The following IFFO2 variants were observed in gnomAD, a reference collection of about 807,000 sequenced individuals.
IFFO2 encodes intermediate filament family orphan 2.
Under a neutral mutation model 53.5 loss-of-function variants are expected in IFFO2, and 19 were observed. The ratio of observed to expected loss-of-function variants is 0.36; its 90% CI spans 0.25 to 0.52. IFFO2 has a LOEUF of 0.52. Ranked by LOEUF, IFFO2 falls within the 20% of genes least tolerant of loss-of-function variation. The pLI, the probability that IFFO2 is intolerant of heterozygous loss-of-function variation, is 0.94. For missense variants in IFFO2, 570 were observed against 727.4 expected (o/e 0.78, Z 2.49); for synonymous variants, 303 against 313.6 (o/e 0.97, Z 0.36).
At chr1:18,939,696 A>C (rs996461649) in intron 1 of IFFO2, among the ~76,000 whole-genome samples, 1 of 152,222 alleles carries the variant, frequency 6.6e-6, no homozygotes, top group Non-Finnish European at 1.5e-5. Flanking sequence ...GAGGGTACGC[A>C]GCAAGGTAAT....
intron 1 of IFFO2, among the ~76,000 whole-genome samples, chr1:18,922,672 G>T (rs931735198): frequency 6.6e-6 from 1 of 152,138 alleles, no homozygotes; most frequent in Non-Finnish European, 1.5e-5. Flanking sequence ...AGGGCAAGGG[G>T]CTGGGATTCC....
In IFFO2 at chr1:18,918,501, G is replaced by C. The variant is rs374833161; in HGVS notation, c.824C>G (p.Pro275Arg). The stretch of plus-strand genomic sequence containing the variant: ...GATCTTTGTGTCCAGGTCTGTCATG[G>C]GCTGCAGGGAGGACAGCAGGGTTTA... ...LVVFKGLMSD[P>R]MTDLDTKIQE... Residue 275 changes from proline (P) to arginine (R), a missense_variant and splice_region_variant, in exon 4 of 9, where the codon CCC becomes CGC. Pro to Arg is a moderately radical substitution (Grantham distance 103). Transcript: ENST00000455833. The surrounding 1 kb of genome is among the most constrained non-coding windows in gnomAD (Gnocchi z 5.2). 9.3e-5 allele frequency: 145 copies of C among 1,552,706 alleles called. No homozygotes were observed. Among genetic ancestry groups the C allele is most frequent in the Non-Finnish European group, 1.2e-4 (137 of 1,147,528 alleles).
chr1:18,909,055 T>C (rs1405686515), intron 8 of IFFO2, among the ~76,000 whole-genome samples: 2 of 151,842 alleles, frequency 1.3e-5, no homozygotes, highest in East Asian at 1.9e-4. Context: ...GTTCTGATTC[T>C]ATCTCGGATG....
intron 8 of IFFO2, among the ~76,000 whole-genome samples, chr1:18,910,080 C>T (rs984864604): frequency 1.3e-5 from 2 of 152,206 alleles, no homozygotes; most frequent in Non-Finnish European, 2.9e-5. Context: ...TTGCACAGAG[C>T]AGGCCTTTGG....
At chr1:18,922,976 G>A (rs1936235346) in intron 1 of IFFO2, among the ~76,000 whole-genome samples, 1 of 152,056 alleles carries the variant, frequency 6.6e-6, no homozygotes, top group Non-Finnish European at 1.5e-5. Flanking sequence ...GGGCATCTGG[G>A]GCTTCTCTGG....
At chr1:18,940,894 C>A (rs537712873) in intron 1 of IFFO2, among the ~76,000 whole-genome samples, 4 of 152,196 alleles carry the variant, frequency 2.6e-5, no homozygotes, top group Non-Finnish European at 5.9e-5. Flanking sequence ...AAGTCCCCCC[C>A]AAAAGCCATG....
In IFFO2 at chr1:18,907,120, A is replaced by C. The variant is rs548941298; in HGVS notation, c.*1441T>G. Reference sequence around the variant, plus strand: ...CACATTTTGCTACCTTGACCACTAGAGGGAGCTCCTGGGACAATAAAAAAT... The same window carrying C: ...CACATTTTGCTACCTTGACCACTAGCGGGAGCTCCTGGGACAATAAAAAAT... On this transcript the variant is annotated 3_prime_UTR_variant, in exon 9 of 9. Transcript: ENST00000455833. 6.6e-6 allele frequency: 1 copy of C among 152,304 alleles called. No individual in the cohort carries two copies. Among genetic ancestry groups the C allele is most frequent in the South Asian group, 2.1e-4 (1 of 4,832 alleles). 9.4% of individuals were successfully genotyped at this position (152,304 alleles called of 1,614,324 possible). A position where few individuals can be genotyped will look rare whatever the true frequency, so the allele number is the denominator to read the frequency against.
At chr1:18,925,861 A>T (rs200878637) in intron 1 of IFFO2, among the ~76,000 whole-genome samples, 296 of 15,410 alleles carry the variant, frequency 0.019, 1 homozygote, top group Non-Finnish European at 0.026. Context: ...GATTGGTTGG[A>T]TGGATGGATG....
At chr1:18,910,319 C>G in intron 8 of IFFO2, 23 bp downstream of exon 8, 3 of 1,586,130 alleles carry the variant, frequency 1.9e-6, no homozygotes, top group Non-Finnish European at 2.6e-6. Flanking sequence ...ATAGCTGAAT[C>G]CCCTGGGAGG....
rs184979295 is a variant in IFFO2, at chr1:18,910,999, T to C, written c.1317+385A>G. Among the ~76,000 whole-genome samples, 625 of 152,346 alleles carry C rather than the reference T, an allele frequency of 4.1e-3. 6 individuals are homozygous for C. The highest frequency in any genetic ancestry group is 0.014 in the African/African-American group (568 of 41,580). On this transcript the variant is annotated intron_variant, in intron 7 of 8. Coordinates refer to ENST00000455833, the MANE Select transcript of IFFO2 (RefSeq NM_001136265.2). ...GGCCTTGGGCAAGTCACTTGGTCCT[T>C]TCCAGCCTCATCTCCTCCTCTGTAA...
In IFFO2 at chr1:18,918,407, A is replaced by G; in HGVS notation, c.918T>C (p.Asp306=). The G allele has an allele frequency of 5.1e-6, 8 of 1,555,500 alleles. No homozygotes were observed. The highest frequency in any genetic ancestry group is 7.0e-6 in the Non-Finnish European group (8 of 1,148,958). ...RRIDITAKLC[D]VAQQRNSEDV... ...CTTCTGAGTTCCGCTGCTGTGCGAC[A>G]TCGCACAGCTTGGCCGTGATATCGA... Residue 306 remains aspartate (D), a synonymous_variant, in exon 4 of 9, where the codon GAT becomes GAC. Transcript: ENST00000455833. This position sits in a 1 kb window ranked among gnomAD's most constrained non-coding sequence, Gnocchi z 5.2.
At position 18,916,398 on chromosome 1, in the gene IFFO2, G is replaced by A. The variant is rs1317508861; in HGVS notation, c.1103+505C>T. On this transcript the variant is annotated intron_variant, in intron 5 of 8. Transcript: ENST00000455833. This position sits in a 1 kb window ranked among gnomAD's most constrained non-coding sequence, Gnocchi z 4.3. ...TCCAGCCCTGTCAACTGTGCCCCAG[G>A]CTCAGCAATGCCTGACCTCCTCGAG... Among the ~76,000 whole-genome samples the A allele has an allele frequency of 1.3e-5, 2 of 152,296 alleles. No individual in the cohort carries two copies. Among genetic ancestry groups the A allele is most frequent in the Middle Eastern group, 3.4e-3 (1 of 294 alleles).
At chr1:18,954,960 G>A (rs1025512840) in intron 1 of IFFO2, among the ~76,000 whole-genome samples, 1 of 152,190 alleles carries the variant, frequency 6.6e-6, no homozygotes, top group African/African-American at 2.4e-5. Flanking sequence ...GATGAAAGGA[G>A]GCATTTTATA....
At chr1:18,921,667 TTAAA>T (rs1196864538) in intron 1 of IFFO2, among the ~76,000 whole-genome samples, 1 of 151,960 alleles carries the variant, frequency 6.6e-6, no homozygotes, top group Non-Finnish European at 1.5e-5. Flanking sequence ...CTCGGAGAGG[TTAAA>T]TAAACATCTA....
chr1:18,930,031 A>T (rs985520481), intron 1 of IFFO2, among the ~76,000 whole-genome samples: 13 of 152,110 alleles, frequency 8.5e-5, no homozygotes, highest in Non-Finnish European at 7.4e-5. Flanking sequence ...TGTGTAGTGG[A>T]GAGGGGAGCA....
chr1:18,938,949 T>C (rs1936486223), intron 1 of IFFO2, among the ~76,000 whole-genome samples: 2 of 152,090 alleles, frequency 1.3e-5, no homozygotes, highest in Admixed American at 6.5e-5. Context: ...CAGCTGGGAG[T>C]CCAGCCCTGG....
At chr1:18,913,637 C>T (rs1433270564) in intron 5 of IFFO2, among the ~76,000 whole-genome samples, 1 of 152,180 alleles carries the variant, frequency 6.6e-6, no homozygotes, top group East Asian at 1.9e-4. Flanking sequence ...CTGCATTATT[C>T]AAACACTTCA....
chr1:18,943,808 T>A (rs189319606), intron 1 of IFFO2, among the ~76,000 whole-genome samples: 9 of 152,294 alleles, frequency 5.9e-5, no homozygotes, highest in Admixed American at 1.3e-4. Context: ...ACCTCAGATG[T>A]CTCTTTTGTA....
chr1:18,930,687 A>T (rs1936364858), intron 1 of IFFO2, among the ~76,000 whole-genome samples: 1 of 152,174 alleles, frequency 6.6e-6, no homozygotes, highest in South Asian at 2.1e-4. Flanking sequence ...CACACAAGGC[A>T]TTTAAGGGTA....
Sources: allele counts gnomAD v4.1 joint callset (sites outside exome capture counted in the v4.1 genomes callset), GRCh38; gene constraint gnomAD v4.1.1; non-coding constraint Gnocchi (gnomAD v3.1); transcripts MANE v1.5; gene names NCBI Gene and HGNC (gene_info 2026-07-23, HGNC 2026-07-21).